The following PHF24 variants were observed in gnomAD, a reference collection of about 807,000 sequenced individuals.
PHF24 encodes PHD finger protein 24.
Under a neutral mutation model 42.6 loss-of-function variants are expected in PHF24, and 25 were observed. That is an observed-to-expected ratio of 0.59 (90% confidence interval 0.43 to 0.82). The LOEUF (loss-of-function observed/expected upper bound fraction) is 0.82, where lower values mean the gene tolerates loss of function less well. Ranked by LOEUF, PHF24 falls within the 40% of genes least tolerant of loss-of-function variation. The probability of loss-of-function intolerance (pLI) is 0.00; values close to 1 mark genes in which losing one functional copy is unlikely to be tolerated. For missense variants in PHF24, 470 were observed against 538.1 expected (o/e 0.87, Z 1.25); for synonymous variants, 185 against 204.8 (o/e 0.90, Z 0.83).
chr9:34,944,976 G>A, the PHF24 span, among the ~76,000 whole-genome samples: 4 of 151,190 alleles, frequency 2.6e-5, no homozygotes, highest in African/African-American at 2.4e-5. Flanking sequence ...ACTGTTAATC[G>A]TCCTCTGATT....
At chr9:34,707,675 G>A in the PHF24 span, among the ~76,000 whole-genome samples, 1 of 152,104 alleles carries the variant, frequency 6.6e-6, no homozygotes, top group Non-Finnish European at 1.5e-5. Flanking sequence ...AGTTGATGGA[G>A]CAGCCACTTC....
At chr9:34,873,579 A>C in the PHF24 span, among the ~76,000 whole-genome samples, 16 of 151,236 alleles carry the variant, frequency 1.1e-4, no homozygotes, top group South Asian at 2.1e-4. Flanking sequence ...TGTTTTGGTA[A>C]CAGTACCATG....
the PHF24 span, among the ~76,000 whole-genome samples, chr9:34,672,080 A>T: frequency 7.9e-5 from 12 of 152,220 alleles, no homozygotes; most frequent in African/African-American, 2.9e-4. Flanking sequence ...TCATTGTCTC[A>T]TGACAAATCT....
chr9:34,684,639 G>C, the PHF24 span, among the ~76,000 whole-genome samples: 1 of 152,220 alleles, frequency 6.6e-6, no homozygotes, highest in African/African-American at 2.4e-5. Flanking sequence ...TGAGCACTTT[G>C]CAGTGTTGAG....
At chr9:34,680,707 TA>T in the PHF24 span, among the ~76,000 whole-genome samples, 426 of 60,100 alleles carry the variant, frequency 7.1e-3, 1 homozygote, top group East Asian at 0.02. Flanking sequence ...AATAAATAAA[TA>T]AAAAAAAAAA....
the PHF24 span, among the ~76,000 whole-genome samples, chr9:34,722,658 A>G: frequency 3.9e-5 from 6 of 152,166 alleles, no homozygotes; most frequent in African/African-American, 1.4e-4. Context: ...AATTTTTATT[A>G]TGGGTTCCTC....
the PHF24 span, among the ~76,000 whole-genome samples, chr9:34,770,898 G>A: frequency 5.3e-5 from 8 of 152,110 alleles, no homozygotes; most frequent in Non-Finnish European, 7.3e-5. Context: ...TGTATTACTT[G>A]AGGTCAGGAG....
the PHF24 span, among the ~76,000 whole-genome samples, chr9:34,716,314 A>G: frequency 6.6e-6 from 1 of 152,162 alleles, no homozygotes; most frequent in Non-Finnish European, 1.5e-5. Context: ...CAAATTGGAT[A>G]GGGCTGGAAT....
the PHF24 span, chr9:34,689,725 G>A: frequency 4.1e-6 from 6 of 1,461,934 alleles, no homozygotes; most frequent in African/African-American, 7.0e-5. The surrounding 1 kb of genome is among the most constrained non-coding windows in gnomAD (Gnocchi z 4.1). Flanking sequence ...GGAGCTGGAA[G>A]CCTGGTCCTT....
At chr9:34,901,155 T>C in the PHF24 span, among the ~76,000 whole-genome samples, 1 of 152,222 alleles carries the variant, frequency 6.6e-6, no homozygotes, top group Non-Finnish European at 1.5e-5. Flanking sequence ...ACTAGTGAAT[T>C]CTAACAAATA....
At chr9:34,667,408 G>A in the PHF24 span, among the ~76,000 whole-genome samples, 1 of 152,138 alleles carries the variant, frequency 6.6e-6, no homozygotes, top group Non-Finnish European at 1.5e-5. Flanking sequence ...TGGTTTTATT[G>A]GAAGCACTGC....
At chr9:34,694,957 C>G in the PHF24 span, among the ~76,000 whole-genome samples, 1 of 152,190 alleles carries the variant, frequency 6.6e-6, no homozygotes, top group Non-Finnish European at 1.5e-5. Context: ...TCTTCATCTT[C>G]CTTTTCTGAC....
At chr9:34,736,501 C>T in the PHF24 span, among the ~76,000 whole-genome samples, 98 of 152,172 alleles carry the variant, frequency 6.4e-4, no homozygotes, top group Non-Finnish European at 4.4e-5. Context: ...AGATAGGGGT[C>T]TCCCTATGTT....
the PHF24 span, among the ~76,000 whole-genome samples, chr9:34,931,195 T>C: frequency 5.5e-3 from 840 of 151,810 alleles, 27 homozygotes; most frequent in East Asian, 0.02. Flanking sequence ...GCTAACATGG[T>C]GAAACCCTGT....
chr9:34,829,008 G>A, the PHF24 span, among the ~76,000 whole-genome samples: 1 of 151,770 alleles, frequency 6.6e-6, no homozygotes. Context: ...CTGTGTTGAA[G>A]ATAGACTGTT....
chr9:34,822,794 C>T, the PHF24 span, among the ~76,000 whole-genome samples: 1 of 152,174 alleles, frequency 6.6e-6, no homozygotes, highest in South Asian at 2.1e-4. Context: ...CAGGATTCTG[C>T]TGTGCAGGTA....
the PHF24 span, among the ~76,000 whole-genome samples, chr9:34,879,367 T>A: frequency 6.6e-6 from 1 of 152,162 alleles, no homozygotes; most frequent in African/African-American, 2.4e-5. Flanking sequence ...ATGACTTTGA[T>A]GAGTTGAGAG....
the PHF24 span, among the ~76,000 whole-genome samples, chr9:34,732,880 T>C: frequency 6.6e-6 from 1 of 152,252 alleles, no homozygotes; most frequent in East Asian, 1.9e-4. Flanking sequence ...TTTTCTTTAA[T>C]GTTTGTACAG....
At chr9:34,937,048 C>A in the PHF24 span, among the ~76,000 whole-genome samples, 6 of 146,308 alleles carry the variant, frequency 4.1e-5, no homozygotes, top group South Asian at 1.3e-3. Context: ...CCCCCCCGGG[C>A]CAGCCGCCCC....
Sources: allele counts gnomAD v4.1 joint callset (sites outside exome capture counted in the v4.1 genomes callset), GRCh38; gene constraint gnomAD v4.1.1; non-coding constraint Gnocchi (gnomAD v3.1); transcripts MANE v1.5; gene names NCBI Gene and HGNC (gene_info 2026-07-23, HGNC 2026-07-21).